The following MAP2K5 variants were observed in gnomAD, a reference collection of about 807,000 sequenced individuals.
MAP2K5 encodes the protein mitogen-activated protein kinase kinase 5.
MAP2K5 carries 49 observed loss-of-function variants against 83.1 expected under a neutral mutation model. The ratio of observed to expected loss-of-function variants is 0.59; its 90% CI spans 0.47 to 0.75. The LOEUF is 0.75. Ranked by LOEUF, MAP2K5 falls within the 30% of genes least tolerant of loss-of-function variation. The pLI is 0.00. For synonymous variants in MAP2K5, 202 were observed against 191.8 expected, an observed-to-expected ratio of 1.05 and a Z score of -0.44; for missense variants, 457 against 557.5, an observed-to-expected ratio of 0.82 and a Z score of 1.82.
intron 16 of MAP2K5, among the ~76,000 whole-genome samples, chr15:67,725,540 A>C (rs58368149): frequency 0.018 from 2,776 of 152,338 alleles, 100 homozygotes; most frequent in African/African-American, 0.064. Flanking sequence ...GAACAGAATT[A>C]TTCCATGGTC....
At chr15:67,692,696 A>C in intron 14 of MAP2K5, 144 bp downstream of exon 14, 1 of 609,232 alleles carries the variant, frequency 1.6e-6, no homozygotes. Flanking sequence ...TGTGTTATTC[A>C]TTTTTAATCT....
chr15:67,681,398 G>A (rs191754402), intron 13 of MAP2K5, among the ~76,000 whole-genome samples: 10 of 152,260 alleles, frequency 6.6e-5, no homozygotes, highest in Admixed American at 2.0e-4. Context: ...TAAATGATTC[G>A]TCCAGTCTCA....
At position 67,790,126 on chromosome 15, in the gene MAP2K5, G is replaced by T. The variant is rs984729740; in HGVS notation, c.1243-16520G>T. Among the ~76,000 whole-genome samples the T allele has an allele frequency of 6.6e-6, 1 of 151,384 alleles. No homozygotes were observed. Among genetic ancestry groups the T allele is most frequent in the Non-Finnish European group, 1.5e-5 (1 of 67,834 alleles). On this transcript the variant is annotated intron_variant, in intron 21 of 21. Transcript: ENST00000178640. This position sits in a 1 kb window ranked among gnomAD's most constrained non-coding sequence, Gnocchi z 4.6. ...CTTCCACTCTTAAAAAAGCAGGCTTGGAAATTGCAAGGCAGAGCTGGATTG... is the reference window on the plus strand; with the variant it reads ...CTTCCACTCTTAAAAAAGCAGGCTTTGAAATTGCAAGGCAGAGCTGGATTG...
At position 67,565,269 on chromosome 15, in the gene MAP2K5, AC is replaced by A. The variant is rs1402933950; in HGVS notation, c.252+1921del. 6.6e-6 allele frequency among the ~76,000 whole-genome samples: 1 copy of A among 151,308 alleles called. No individual in the cohort carries two copies. The highest frequency in any genetic ancestry group is 6.6e-5 in the Admixed American group (1 of 15,184). ...CTCCGAGATGGAGTCTTGCTCTGTC[AC>A]CGAGGCTGGAGTGCAGTGGTGCCAT... On this transcript the variant is annotated intron_variant, in intron 3 of 21. Transcript: ENST00000178640. This position sits in a 1 kb window ranked among gnomAD's most constrained non-coding sequence, Gnocchi z 4.1.
chr15:67,659,218 T>G (rs931193452), intron 12 of MAP2K5: 2 of 171,348 alleles, frequency 1.2e-5, no homozygotes, highest in African/African-American at 2.4e-5. Flanking sequence ...GTTCCATATT[T>G]CACATTTATA....
intron 13 of MAP2K5, among the ~76,000 whole-genome samples, chr15:67,674,468 G>A (rs1480216814): frequency 6.6e-5 from 10 of 151,020 alleles, no homozygotes; most frequent in African/African-American, 2.2e-4. Flanking sequence ...GTATGTTTTT[G>A]AAAAGAAAAA....
In MAP2K5 at chr15:67,783,616, A is replaced by G. The variant is rs1399150834; in HGVS notation, c.1242+10864A>G. ...TGGCAGTAACTTGTGGTAACAGTCAATAAAAGAGACCACAACCCCTCGAGG... is the reference window on the plus strand; with the variant it reads ...TGGCAGTAACTTGTGGTAACAGTCAGTAAAAGAGACCACAACCCCTCGAGG... On this transcript the variant is annotated intron_variant, in intron 21 of 21. Transcript: ENST00000178640. The surrounding 1 kb of genome is among the most constrained non-coding windows in gnomAD (Gnocchi z 5.1). Among the ~76,000 whole-genome samples, 2 of 152,232 alleles carry G rather than the reference A, an allele frequency of 1.3e-5. No individual in the cohort carries two copies. Among genetic ancestry groups the G allele is most frequent in the African/African-American group, 2.4e-5 (1 of 41,464 alleles).
intron 15 of MAP2K5, among the ~76,000 whole-genome samples, chr15:67,695,795 C>T (rs3784692): frequency 0.56 from 84,460 of 152,052 alleles, 24,134 homozygotes; most frequent in Non-Finnish European, 0.6. Context: ...GTGATGCATC[C>T]ATCTGTTAAT....
intron 3 of MAP2K5, among the ~76,000 whole-genome samples, chr15:67,569,640 C>T (rs1274549180): frequency 6.6e-6 from 1 of 152,086 alleles, no homozygotes; most frequent in Non-Finnish European, 1.5e-5. Context: ...TGTTTGGTAG[C>T]AAGGAGCAGA....
Position 67,609,667 on chromosome 15 carries a change from A to G in MAP2K5, c.545+8918A>G, listed in dbSNP as rs559882971. Among the ~76,000 whole-genome samples the G allele has an allele frequency of 3.7e-5, 4 of 107,800 alleles. 2 individuals are homozygous for G. The East Asian group carries it at 1.1e-3, about 28-fold the overall frequency. The allele number at this position is 107,800 out of a possible 152,430, so 70.7% of individuals were successfully genotyped here. ...TCTGTAGATTCTGTAGACCTATTCT[A>G]TAGGTCTGTAGATTCTGTAGACCTA... On this transcript the variant is annotated intron_variant, in intron 8 of 21. Transcript: ENST00000178640.
At chr15:67,797,125 T>C (rs2090618514) in intron 21 of MAP2K5, among the ~76,000 whole-genome samples, 2 of 152,182 alleles carry the variant, frequency 1.3e-5, no homozygotes, top group Admixed American at 6.5e-5. Context: ...CAGCCCCTTT[T>C]CCCCCAGACT....
rs1287759336 is a variant in MAP2K5, at chr15:67,801,867, T to G, written c.1243-4779T>G. ...TATTAAATTATTCAAATGCATTATATTCTCTAGAAAGTTATAGAAAGAGAT... is the reference window on the plus strand; with the variant it reads ...TATTAAATTATTCAAATGCATTATAGTCTCTAGAAAGTTATAGAAAGAGAT... On this transcript the variant is annotated intron_variant, in intron 21 of 21. Coordinates refer to ENST00000178640, the MANE Select transcript of MAP2K5 (RefSeq NM_145160.3). The surrounding 1 kb of genome is among the most constrained non-coding windows in gnomAD (Gnocchi z 4.8). Among the ~76,000 whole-genome samples the G allele has an allele frequency of 5.9e-5, 9 of 152,218 alleles. No individual in the cohort carries two copies. The East Asian group carries it at 1.7e-3, about 29-fold the overall frequency.
At chr15:67,669,349 G>A (rs2087469648) in intron 13 of MAP2K5, among the ~76,000 whole-genome samples, 1 of 152,088 alleles carries the variant, frequency 6.6e-6, no homozygotes, top group Non-Finnish European at 1.5e-5. Flanking sequence ...GAGGTTAGGG[G>A]AAGCAAAGGG....
intron 12 of MAP2K5, 81 bp from the exon 13 acceptor site, chr15:67,664,516 T>G: frequency 1.2e-6 from 1 of 865,152 alleles, no homozygotes; most frequent in Non-Finnish European, 1.8e-6. Flanking sequence ...AAAAAAAAAA[T>G]GTTGAATGTA....
chr15:67,545,668 C>T (rs1048176996), intron 1 of MAP2K5, among the ~76,000 whole-genome samples: 1 of 152,048 alleles, frequency 6.6e-6, no homozygotes, highest in Non-Finnish European at 1.5e-5. Flanking sequence ...TGTTTAAGAC[C>T]ACAAACTCTG....
rs1244401032 is a variant in MAP2K5 at position 67,562,214 on chromosome 15, C to T, written c.185-1069C>T. 6.6e-6 allele frequency among the ~76,000 whole-genome samples: 1 copy of T among 152,184 alleles called. No homozygotes were observed. Among genetic ancestry groups the T allele is most frequent in the Non-Finnish European group, 1.5e-5 (1 of 68,028 alleles). On this transcript the variant is annotated intron_variant, in intron 2 of 21. Transcript: ENST00000178640. The surrounding 1 kb of genome is among the most constrained non-coding windows in gnomAD (Gnocchi z 4.1). ...CTTTCAACTGTGCATTTACAGTCTA[C>T]TACATAGGCTGTCCTCACTGTTGAC...
At chr15:67,594,917 T>C (rs2085493209) in intron 7 of MAP2K5, among the ~76,000 whole-genome samples, 2 of 152,226 alleles carry the variant, frequency 1.3e-5, no homozygotes, top group Non-Finnish European at 2.9e-5. Context: ...TGAAATTGCA[T>C]TGCAGTGAGG....
Position 67,780,269 on chromosome 15 carries a change from T to C in MAP2K5, c.1242+7517T>C, listed in dbSNP as rs1314605843. On this transcript the variant is annotated intron_variant, in intron 21 of 21. Coordinates refer to ENST00000178640, the MANE Select transcript of MAP2K5 (RefSeq NM_145160.3). The surrounding 1 kb of genome is among the most constrained non-coding windows in gnomAD (Gnocchi z 5.0). ...AAAGAAGCTCTGGCCAGGGAGCAGA[T>C]ACTTTTTTTTTTTTTTAACCTTTAA... 1.1e-5 allele frequency among the ~76,000 whole-genome samples: 1 copy of C among 90,646 alleles called. No individual in the cohort carries two copies. Among genetic ancestry groups the C allele is most frequent in the Non-Finnish European group, 2.1e-5 (1 of 48,090 alleles). 59.5% of individuals were successfully genotyped at this position (90,646 alleles called of 152,430 possible).
intron 8 of MAP2K5, among the ~76,000 whole-genome samples, chr15:67,629,615 C>T (rs1307193572): frequency 6.6e-6 from 1 of 151,994 alleles, no homozygotes; most frequent in African/African-American, 2.4e-5. Context: ...ATATGTTTTA[C>T]AACTGGGCAG....
Sources: allele counts gnomAD v4.1 joint callset (sites outside exome capture counted in the v4.1 genomes callset), GRCh38; gene constraint gnomAD v4.1.1; non-coding constraint Gnocchi (gnomAD v3.1); transcripts MANE v1.5; gene names NCBI Gene and HGNC (gene_info 2026-07-23, HGNC 2026-07-21).